ATG7: variants seen among roughly 807,000 people sequenced by gnomAD.
The protein encoded by ATG7 is ubiquitin-like modifier-activating enzyme ATG7.
In ATG7, 70 loss-of-function variants were observed where a neutral mutation model predicts 82.4. The ratio of observed to expected loss-of-function variants is 0.85; its 90% confidence interval spans 0.70 to 1.04. The LOEUF (loss-of-function observed/expected upper bound fraction) is 1.04. Among genes scored for constraint, ATG7 ranks in the 50% least tolerant of loss-of-function variants. The probability of loss-of-function intolerance (pLI) is 0.00; values close to 1 mark genes in which losing one functional copy is unlikely to be tolerated. For synonymous variants in ATG7, 287 were observed against 313.0 expected (o/e 0.92, Z 0.88); for missense variants, 792 against 864.3 (o/e 0.92, Z 1.05).
At chr3:11,559,208 A>T (rs1317328972), downstream of ATG7, 15 of 1,416,770 alleles carry the variant, frequency 1.1e-5, no homozygotes, top group South Asian at 2.1e-4. Context: ...TGCTCAAGAA[A>T]TACTTTTTCA....
intron 20 of ATG7, among the ~76,000 whole-genome samples, chr3:11,521,697 C>T (rs566247833): frequency 2.6e-5 from 4 of 152,088 alleles, no homozygotes; most frequent in South Asian, 2.1e-4. Flanking sequence ...GGATTACAGG[C>T]GCCTGCCACC....
intron 10 of ATG7, among the ~76,000 whole-genome samples, chr3:11,332,489 T>C (rs1467074461): frequency 6.6e-6 from 1 of 152,216 alleles, no homozygotes; most frequent in Non-Finnish European, 1.5e-5. Context: ...AGATAAATTA[T>C]AGATTGTTCT....
At chr3:11,515,665 C>CA (rs2124861042) in intron 20 of ATG7, among the ~76,000 whole-genome samples, 1 of 152,268 alleles carries the variant, frequency 6.6e-6, no homozygotes, top group East Asian at 1.9e-4. Context: ...CACATGTATA[C>CA]ATTAAGCCTC....
chr3:11,440,224 A>T (rs776249875), intron 20 of ATG7, among the ~76,000 whole-genome samples: 23 of 152,020 alleles, frequency 1.5e-4, no homozygotes, highest in Non-Finnish European at 3.2e-4. Context: ...AATCCGTGGG[A>T]ATGAGATTTT....
chr3:11,553,991 G>C (rs2072106911), intron 20 of ATG7, among the ~76,000 whole-genome samples: 2 of 152,178 alleles, frequency 1.3e-5, no homozygotes. Flanking sequence ...TGGCCCTCCA[G>C]GGAGCCCTGG....
chr3:11,574,785 A>ATGTATGTGTGTGTG, the ATG7 span, among the ~76,000 whole-genome samples: 37 of 121,772 alleles, frequency 3.0e-4, no homozygotes, highest in African/African-American at 1.1e-3. Flanking sequence ...TCAACTATAT[A>ATGTATGTGTGTGTG]TGTGTGTGTG....
chr3:11,570,520 T>C, the ATG7 span, among the ~76,000 whole-genome samples: 1 of 152,148 alleles, frequency 6.6e-6, no homozygotes, highest in Non-Finnish European at 1.5e-5. Flanking sequence ...CCTAATCTCC[T>C]TGGCTCCGCA....
At chr3:11,501,797 C>G (rs940340123) in intron 20 of ATG7, among the ~76,000 whole-genome samples, 1 of 152,166 alleles carries the variant, frequency 6.6e-6, no homozygotes, top group Non-Finnish European at 1.5e-5. Context: ...TCAAGTGATT[C>G]TCCTGCCTCA....
At chr3:11,447,009 A>G (rs2084627631) in intron 20 of ATG7, 3 of 152,274 alleles carry the variant, frequency 2.0e-5, no homozygotes, top group East Asian at 1.9e-4. Flanking sequence ...TGTGATCAGT[A>G]TCTGACACTT....
chr3:11,543,430 C>T (rs949792032), intron 20 of ATG7, among the ~76,000 whole-genome samples: 2 of 152,230 alleles, frequency 1.3e-5, no homozygotes, highest in Non-Finnish European at 2.9e-5. Flanking sequence ...CAGCCCTCAG[C>T]TGCCTGTGTC....
chr3:11,434,738 G>A (rs1462373911), intron 20 of ATG7, among the ~76,000 whole-genome samples: 1 of 152,192 alleles, frequency 6.6e-6, no homozygotes, highest in Non-Finnish European at 1.5e-5. Flanking sequence ...TCTGGGCAGA[G>A]TTCCCCACCC....
chr3:11,531,236 A>G (rs139188736), intron 20 of ATG7, among the ~76,000 whole-genome samples: 3 of 152,270 alleles, frequency 2.0e-5, no homozygotes, highest in Non-Finnish European at 4.4e-5. Flanking sequence ...TGTGCAGGGT[A>G]CCCAGCCAAG....
At position 11,552,955 on chromosome 3, in the gene ATG7, C is replaced by T. The variant is rs1355921906; in HGVS notation, c.2080-1856C>T. Among the ~76,000 whole-genome samples the T allele has an allele frequency of 2.6e-5, 4 of 152,368 alleles. No individual in the cohort carries two copies. In the East Asian group the frequency reaches 5.8e-4, roughly 22 times the overall value. On this transcript the variant is annotated intron_variant, in intron 20 of 20. Coordinates refer to ENST00000693202, the MANE Select transcript of ATG7 (RefSeq NM_001349232.2). ...CTTTCCTATAAAGCCCAGCCCCGGC[C>T]CAGGCCCGAGTCCTCTTATGAACAG...
At chr3:11,457,672 G>A (rs2085874231) in intron 20 of ATG7, among the ~76,000 whole-genome samples, 2 of 152,186 alleles carry the variant, frequency 1.3e-5, no homozygotes, top group African/African-American at 4.8e-5. Flanking sequence ...TACTAGTTAA[G>A]GGGTGACAGA....
intron 14 of ATG7, 95 bp downstream of exon 14, chr3:11,348,130 T>C: frequency 6.8e-7 from 1 of 1,467,118 alleles, no homozygotes; most frequent in South Asian, 1.4e-5. Flanking sequence ...GAGAGTCAGA[T>C]ATCTGTCACT....
At chr3:11,477,964 T>G (rs552631898) in intron 20 of ATG7, among the ~76,000 whole-genome samples, 2 of 152,312 alleles carry the variant, frequency 1.3e-5, no homozygotes, top group South Asian at 4.1e-4. Context: ...CTTCTACCTT[T>G]CATAAGTCAG....
chr3:11,473,412 CATT>C (rs1259667303), intron 20 of ATG7, among the ~76,000 whole-genome samples: 1 of 152,196 alleles, frequency 6.6e-6, no homozygotes, highest in Non-Finnish European at 1.5e-5. Flanking sequence ...GGATGGATAT[CATT>C]ATCCCCACTT....
rs112664437 is a variant in ATG7 at position 11,380,908 on chromosome 3, A to T, written c.1956+856A>T. 6.0e-3 allele frequency among the ~76,000 whole-genome samples: 920 copies of T among 152,236 alleles called. 7 individuals are homozygous for T. The highest frequency in any genetic ancestry group is 0.02 in the African/African-American group (824 of 41,538). The stretch of plus-strand genomic sequence containing the variant: ...GGAAGAAAGAGAATTCTAGGGATGT[A>T]TTTCTCTATTCTGAGTTGACAAGCT... On this transcript the variant is annotated intron_variant, in intron 19 of 20. Coordinates refer to ENST00000693202, the MANE Select transcript of ATG7 (RefSeq NM_001349232.2).
intron 20 of ATG7, among the ~76,000 whole-genome samples, chr3:11,448,081 C>T (rs1287011576): frequency 6.6e-6 from 1 of 152,170 alleles, no homozygotes; most frequent in East Asian, 1.9e-4. Context: ...GATTTGTCCC[C>T]AAGCTTGACT....
Sources: gnomAD v4.1 joint callset for allele counts (sites outside exome capture counted in the v4.1 genomes callset) on GRCh38, gnomAD v4.1.1 for gene constraint, MANE v1.5 for transcripts, NCBI Gene and HGNC (gene_info 2026-07-23, HGNC 2026-07-21) for gene names.